Variants in PCDHGB1 observed in about 807,000 individuals in gnomAD.
PCDHGB1 encodes the protein protocadherin gamma subfamily B, 1, also known as protocadherin gamma-B1.
A neutral mutation model predicts 56.6 loss-of-function variants in PCDHGB1; 34 were observed. The ratio of observed to expected loss-of-function variants is 0.60; its 90% confidence interval spans 0.46 to 0.80. The LOEUF is 0.80. Among genes scored for constraint, PCDHGB1 ranks in the 30% least tolerant of loss-of-function variants. The pLI is 0.00. For missense variants in PCDHGB1, 1,278 were observed against 1,204.6 expected (o/e 1.06, Z -0.90); for synonymous variants, 561 against 505.9 (o/e 1.11, Z -1.46).
At chr5:141,423,183 G>GCCCCCTCTCTCGGCCAC (rs760086052) in intron 1 of PCDHGB1, 8 of 1,613,570 alleles carry the variant, frequency 5.0e-6, no homozygotes, top group Non-Finnish European at 6.8e-6. Context: ...ACCACGGCCA[G>GCCCCCTCTCTCGGCCAC]CCCCCTCTCT....
chr5:141,415,740 GTTTTTTTTTTTTTT>G (rs57426385), intron 1 of PCDHGB1: 52 of 625,016 alleles, frequency 8.3e-5, no homozygotes, highest in East Asian at 4.1e-4. Context: ...GTTTATTAAG[GTTTTTTTTTTTTTT>G]TTTTTTTTTT....
At chr5:141,383,749 A>G in intron 1 of PCDHGB1, 1 of 1,614,008 alleles carries the variant, frequency 6.2e-7, no homozygotes, top group South Asian at 1.1e-5. Context: ...TTTTCGGAAA[A>G]TAACTCCTAA....
chr5:141,376,293 G>C lies in PCDHGB1; in HGVS notation c.2409+23624G>C, dbSNP rs189836587. 8,405 of 1,614,188 alleles carry C rather than the reference G, an allele frequency of 5.2e-3. 27 individuals carry two copies. Among genetic ancestry groups the C allele is most frequent in the Non-Finnish European group, 6.0e-3 (7,034 of 1,180,042 alleles). On this transcript the variant is annotated intron_variant, in intron 1 of 3. Transcript: ENST00000523390. ...GGAGGTGGCTTAGCGAGCATGCCCG[G>C]CTCGCACTTTGTGGGCGTGGAAGGG...
intron 1 of PCDHGB1, chr5:141,355,662 TC>T: frequency 6.2e-7 from 1 of 1,613,996 alleles, no homozygotes; most frequent in Non-Finnish European, 8.5e-7. Context: ...GATTTCCTCT[TC>T]CTGAAGCTTT....
At position 141,485,791 on chromosome 5, in the gene PCDHGB1, G is replaced by A; in HGVS notation, c.2410-9016G>A. The A allele has an allele frequency of 6.2e-7, 1 of 1,614,196 alleles. No homozygotes were observed. The highest frequency in any genetic ancestry group is 8.5e-7 in the Non-Finnish European group (1 of 1,180,032). ...AGCCTTTGGATCGAGAGAAGCAATC[G>A]GACTACCGCCTGGTGCTGACTGCTG... On this transcript the variant is annotated intron_variant, in intron 1 of 3. Transcript: ENST00000523390. The surrounding 1 kb of genome is among the most constrained non-coding windows in gnomAD (Gnocchi z 5.7).
chr5:141,427,832 T>C, intron 1 of PCDHGB1: 1 of 1,540,264 alleles, frequency 6.5e-7, no homozygotes, highest in Non-Finnish European at 8.9e-7. Flanking sequence ...TCGCGCAGCG[T>C]GCCTTCGACC....
intron 1 of PCDHGB1, chr5:141,366,519 G>A (rs1421344823): frequency 2.5e-6 from 4 of 1,614,138 alleles, no homozygotes; most frequent in Non-Finnish European, 1.7e-6. Flanking sequence ...GCTGAAGGCA[G>A]CAGGTTGGCG....
chr5:141,480,371 C>T (rs1562080299), intron 1 of PCDHGB1, among the ~76,000 whole-genome samples: 1 of 151,908 alleles, frequency 6.6e-6, no homozygotes, highest in African/African-American at 2.4e-5. Flanking sequence ...GCTGTGATTG[C>T]ACCACTACAC....
At chr5:141,357,014 C>T in intron 1 of PCDHGB1, 2 of 1,614,130 alleles carry the variant, frequency 1.2e-6, no homozygotes, top group Non-Finnish European at 1.7e-6. Context: ...GCCTGGCTGT[C>T]CTACAGCCTA....
rs748660721 is a variant in PCDHGB1 at position 141,485,346 on chromosome 5, G to A, written c.2410-9461G>A. The A allele has an allele frequency of 1.2e-6, 2 of 1,614,178 alleles. No individual in the cohort carries two copies. Among genetic ancestry groups the A allele is most frequent in the South Asian group, 2.2e-5 (2 of 91,088 alleles). ...CAAGATTTCCTGCTGGATACGGACA[G>A]TCTGTCAGCTCGCAGGCTGCAGGTC... On this transcript the variant is annotated intron_variant, in intron 1 of 3. Transcript: ENST00000523390. This position sits in a 1 kb window ranked among gnomAD's most constrained non-coding sequence, Gnocchi z 5.7.
intron 1 of PCDHGB1, chr5:141,389,509 C>T: frequency 6.2e-7 from 1 of 1,613,118 alleles, no homozygotes; most frequent in Non-Finnish European, 8.5e-7. Flanking sequence ...GCGCTCAGCG[C>T]GAACGTGAGC....
rs779656906 is a variant in PCDHGB1 at position 141,476,872 on chromosome 5, C to T, written c.2410-17935C>T. On this transcript the variant is annotated intron_variant, in intron 1 of 3. Transcript: ENST00000523390. The surrounding 1 kb of genome is among the most constrained non-coding windows in gnomAD (Gnocchi z 7.6). ...TCAACCAGTCCTTGTACCGGGCGCG[C>T]GTCCTGGAGGATGCACCCTCCGGCA... 1.6e-4 allele frequency: 254 copies of T among 1,613,734 alleles called. No individual in the cohort carries two copies. The highest frequency in any genetic ancestry group is 2.1e-4 in the Non-Finnish European group (248 of 1,180,054).
intron 1 of PCDHGB1, chr5:141,414,202 G>A: frequency 6.2e-7 from 1 of 1,611,912 alleles, no homozygotes; most frequent in Non-Finnish European, 8.5e-7. Flanking sequence ...TACAGTAGAA[G>A]ATGTAAATGA....
At chr5:141,449,933 G>A (rs1012332454) in intron 1 of PCDHGB1, among the ~76,000 whole-genome samples, 1 of 149,752 alleles carries the variant, frequency 6.7e-6, no homozygotes, top group African/African-American at 2.5e-5. Flanking sequence ...ATACCTTATA[G>A]TATATTTTAC....
intron 1 of PCDHGB1, among the ~76,000 whole-genome samples, chr5:141,443,082 C>A (rs958408385): frequency 6.6e-6 from 1 of 151,624 alleles, no homozygotes; most frequent in African/African-American, 2.4e-5. Flanking sequence ...ACTGAGTGTT[C>A]CAGTCTCCTT....
At chr5:141,395,345 A>G in intron 1 of PCDHGB1, 1 of 1,399,052 alleles carries the variant, frequency 7.1e-7, no homozygotes, top group South Asian at 1.5e-5. Flanking sequence ...TTTAAGGTGT[A>G]TCACAGAGTT....
In PCDHGB1 at chr5:141,485,037, C is replaced by T. The variant is rs2099605532; in HGVS notation, c.2410-9770C>T. 1.0e-5 allele frequency: 7 copies of T among 702,746 alleles called. No individual in the cohort carries two copies. Among genetic ancestry groups the T allele is most frequent in the Non-Finnish European group, 1.5e-5 (6 of 402,836 alleles). 43.5% of individuals were successfully genotyped at this position (702,746 alleles called of 1,614,324 possible). A position where few individuals can be genotyped will look rare whatever the true frequency, so the allele number is the denominator to read the frequency against. ...GCCACCAGCAAAAACGGCGCGTAAC[C>T]CTTGCGGCGCCGGCCGAACCGCGCC... is the stretch of plus-strand genomic sequence containing the variant. On this transcript the variant is annotated intron_variant, in intron 1 of 3. Transcript: ENST00000523390. The surrounding 1 kb of genome is among the most constrained non-coding windows in gnomAD (Gnocchi z 5.7).
At chr5:141,363,192 A>T (rs1762836120) in intron 1 of PCDHGB1, among the ~76,000 whole-genome samples, 1 of 152,264 alleles carries the variant, frequency 6.6e-6, no homozygotes, top group Non-Finnish European at 1.5e-5. Context: ...ATTGCTCTTA[A>T]GAAAAACTAC....
Position 141,368,541 on chromosome 5 carries a change from T to A in PCDHGB1, c.2409+15872T>A, listed in dbSNP as rs544013276. Among the ~76,000 whole-genome samples, 312 of 152,078 alleles carry A rather than the reference T, an allele frequency of 2.1e-3. 1 individual carries two copies. Among genetic ancestry groups the A allele is most frequent in the Middle Eastern group, 0.01 (3 of 292 alleles). On this transcript the variant is annotated intron_variant, in intron 1 of 3. Transcript: ENST00000523390. ...TCCTATGTGAAAACTTGCTTTTCCA[T>A]TTTTTTTAAAAGAAAATGTTATATG...
Sources: allele counts gnomAD v4.1 joint callset (sites outside exome capture counted in the v4.1 genomes callset), GRCh38; gene constraint gnomAD v4.1.1; non-coding constraint Gnocchi (gnomAD v3.1); transcripts MANE v1.5; gene names NCBI Gene and HGNC (gene_info 2026-07-23, HGNC 2026-07-21).